GAS7: variants seen among roughly 807,000 people sequenced by gnomAD.
GAS7 encodes growth arrest-specific protein 7.
A neutral mutation model predicts 71.1 loss-of-function variants in GAS7; 28 were observed. The ratio of observed to expected loss-of-function variants is 0.39; its 90% CI spans 0.29 to 0.54. GAS7 has a LOEUF of 0.54. Among genes scored for constraint, GAS7 ranks in the 20% least tolerant of loss-of-function variants. The probability of loss-of-function intolerance (pLI) is 0.62; values close to 1 mark genes in which losing one functional copy is unlikely to be tolerated. For missense variants in GAS7, 436 were observed against 627.8 expected, an observed-to-expected ratio of 0.69 and a Z score of 3.27; for synonymous variants, 258 against 245.8, an observed-to-expected ratio of 1.05 and a Z score of -0.46.
chr17:10,021,949 G>C (rs2072287347), intron 1 of GAS7, among the ~76,000 whole-genome samples: 1 of 152,158 alleles, frequency 6.6e-6, no homozygotes, highest in Non-Finnish European at 1.5e-5. Flanking sequence ...ATGGGTGGGG[G>C]GTCAGGGGAT....
chr17:10,179,120 G>A (rs188422281), intron 1 of GAS7, among the ~76,000 whole-genome samples: 29 of 152,054 alleles, frequency 1.9e-4, no homozygotes, highest in Admixed American at 1.3e-3. Context: ...ACCTGAGGTC[G>A]GGAGTTCGAG....
At chr17:10,115,402 G>A (rs1005067185) in intron 1 of GAS7, among the ~76,000 whole-genome samples, 2 of 152,170 alleles carry the variant, frequency 1.3e-5, no homozygotes, top group African/African-American at 4.8e-5. Flanking sequence ...GGAGGGTGGG[G>A]GGCAAAGTGT....
At chr17:9,922,020 T>A (rs1175477716) in intron 11 of GAS7, among the ~76,000 whole-genome samples, 1 of 151,142 alleles carries the variant, frequency 6.6e-6, no homozygotes, top group Non-Finnish European at 1.5e-5. Flanking sequence ...AGCTATGTAA[T>A]CGTAGACAAG....
intron 1 of GAS7, among the ~76,000 whole-genome samples, chr17:10,049,592 G>A (rs1442077523): frequency 1.5e-5 from 2 of 130,874 alleles, no homozygotes; most frequent in Admixed American, 7.5e-5. Context: ...TTTTTAAAAC[G>A]TGTTTTGAAA....
chr17:9,967,603 T>G (rs942773399), intron 4 of GAS7, among the ~76,000 whole-genome samples: 11 of 135,580 alleles, frequency 8.1e-5, no homozygotes, highest in African/African-American at 3.1e-4. Flanking sequence ...ATATATGCAA[T>G]GTGTGTCCTA....
chr17:10,138,130 T>C (rs957816078), intron 1 of GAS7, among the ~76,000 whole-genome samples: 1 of 150,904 alleles, frequency 6.6e-6, no homozygotes, highest in Non-Finnish European at 1.5e-5. Flanking sequence ...GCCCAGCTAA[T>C]TTTTTTTTGT....
chr17:10,050,174 T>A (rs1378308697), intron 1 of GAS7, among the ~76,000 whole-genome samples: 12 of 152,190 alleles, frequency 7.9e-5, no homozygotes, highest in Admixed American at 7.9e-4. Context: ...ACAAGTCCAA[T>A]AAAACCCTCC....
At chr17:9,989,255 G>C (rs1480378345) in intron 2 of GAS7, among the ~76,000 whole-genome samples, 1 of 152,016 alleles carries the variant, frequency 6.6e-6, no homozygotes, top group Non-Finnish European at 1.5e-5. Context: ...CTCTAGGCTG[G>C]GACTCTGGGA....
intron 1 of GAS7, among the ~76,000 whole-genome samples, chr17:10,059,013 T>C (rs977458845): frequency 1.3e-5 from 2 of 152,240 alleles, no homozygotes; most frequent in African/African-American, 4.8e-5. Flanking sequence ...CTGTCCACGC[T>C]GTATCCCCTT....
In GAS7 at chr17:9,914,595, G is replaced by A. The variant is rs1041330563; in HGVS notation, c.*2633C>T. 4 of 208,246 alleles carry A rather than the reference G, an allele frequency of 1.9e-5. No individual in the cohort carries two copies. Among genetic ancestry groups the A allele is most frequent in the South Asian group, 1.9e-4 (1 of 5,304 alleles). The allele number at this position is 208,246 out of a possible 1,614,324, so 12.9% of individuals were successfully genotyped here. A position where few individuals can be genotyped will look rare whatever the true frequency, so the allele number is the denominator to read the frequency against. ...AATTCGAATTGGATATGGGCCGTGA[G>A]GGTCTGGTGACCAGGTGATTAAAAT... On this transcript the variant is annotated 3_prime_UTR_variant, in exon 14 of 14. Coordinates refer to ENST00000432992, the MANE Select transcript of GAS7 (RefSeq NM_201433.2).
At chr17:10,150,050 G>A (rs571635571) in intron 1 of GAS7, among the ~76,000 whole-genome samples, 1 of 152,296 alleles carries the variant, frequency 6.6e-6, no homozygotes, top group East Asian at 1.9e-4. Context: ...ATACTACACA[G>A]TGAATATACT....
chr17:10,196,188 G>A (rs2074539074), intron 1 of GAS7, among the ~76,000 whole-genome samples: 1 of 152,098 alleles, frequency 6.6e-6, no homozygotes, highest in Non-Finnish European at 1.5e-5. Flanking sequence ...GTTGAGCCCG[G>A]GCTATCATGT....
chr17:10,073,567 C>G (rs2073362531), intron 1 of GAS7, among the ~76,000 whole-genome samples: 1 of 152,208 alleles, frequency 6.6e-6, no homozygotes, highest in Admixed American at 6.5e-5. Flanking sequence ...AATGCAGCAT[C>G]TGCGCCCCGC....
rs1362678529 is a variant in GAS7, at chr17:10,103,700, C to T, written c.184-83803G>A. Among the ~76,000 whole-genome samples, 1 of 152,006 alleles carries T rather than the reference C, an allele frequency of 6.6e-6. No homozygotes were observed. Among genetic ancestry groups the T allele is most frequent in the African/African-American group, 2.4e-5 (1 of 41,380 alleles). ...AATTAGCTGGGTGTGGTGGCACATG[C>T]CTGTAATCCCGGCTACTAGGGAGGC... On this transcript the variant is annotated intron_variant, in intron 1 of 13. Transcript: ENST00000432992. The surrounding 1 kb of genome is among the most constrained non-coding windows in gnomAD (Gnocchi z 5.5).
chr17:9,937,577 G>A (rs984119273), intron 8 of GAS7, among the ~76,000 whole-genome samples: 16 of 152,200 alleles, frequency 1.1e-4, no homozygotes, highest in Admixed American at 5.2e-4. Flanking sequence ...GCCGCCCTGC[G>A]GTCTGTGGCT....
intron 1 of GAS7, among the ~76,000 whole-genome samples, chr17:10,132,972 C>T (rs2074008762): frequency 1.3e-5 from 2 of 151,864 alleles, no homozygotes; most frequent in Non-Finnish European, 2.9e-5. Context: ...CTCCCAAGCC[C>T]CTCTGACTTG....
intron 9 of GAS7, among the ~76,000 whole-genome samples, chr17:9,929,801 T>G (rs1051246302): frequency 3.0e-5 from 4 of 134,358 alleles, no homozygotes; most frequent in Middle Eastern, 3.2e-3. Flanking sequence ...TAAAAGACAG[T>G]TTTTTTTTTC....
At position 9,981,240 on chromosome 17, in the gene GAS7, G is replaced by A. The variant is rs1395672690; in HGVS notation, c.385+564C>T. On this transcript the variant is annotated intron_variant, in intron 3 of 13. Transcript: ENST00000432992. This position sits in a 1 kb window ranked among gnomAD's most constrained non-coding sequence, Gnocchi z 4.4. ...CCAGAAGGGGAGGTTGCAGTGAGCC[G>A]AGACTGCACCACTGCACTCCAGCCT... Among the ~76,000 whole-genome samples the A allele has an allele frequency of 6.6e-6, 1 of 152,024 alleles. No individual in the cohort carries two copies. Among genetic ancestry groups the A allele is most frequent in the Non-Finnish European group, 1.5e-5 (1 of 68,028 alleles).
rs931857169 is a variant in GAS7 at position 10,005,499 on chromosome 17, T to C, written c.304+14278A>G. On this transcript the variant is annotated intron_variant, in intron 2 of 13. Coordinates refer to ENST00000432992, the MANE Select transcript of GAS7 (RefSeq NM_201433.2). ...AACACATGCATGAAGCCCAGTTGAGTATTAAAAAAAATGGCAGGTAGTGGT... is the reference window on the plus strand; with the variant it reads ...AACACATGCATGAAGCCCAGTTGAGCATTAAAAAAAATGGCAGGTAGTGGT... 8.1e-5 allele frequency among the ~76,000 whole-genome samples: 11 copies of C among 136,162 alleles called. No individual in the cohort carries two copies. In the East Asian group the frequency reaches 1.8e-3, roughly 23 times the overall value. 89.3% of individuals were successfully genotyped at this position (136,162 alleles called of 152,430 possible). A position where few individuals can be genotyped will look rare whatever the true frequency, so the allele number is the denominator to read the frequency against.
Sources: gnomAD v4.1 joint callset for allele counts (sites outside exome capture counted in the v4.1 genomes callset) on GRCh38, gnomAD v4.1.1 for gene constraint, Gnocchi (gnomAD v3.1) non-coding constraint, MANE v1.5 for transcripts, NCBI Gene and HGNC (gene_info 2026-07-23, HGNC 2026-07-21) for gene names.